Variants in SCHIP1 observed in about 807,000 individuals in gnomAD.
SCHIP1 encodes schwannomin-interacting protein 1.
A neutral mutation model predicts 29.7 loss-of-function variants in SCHIP1; 8 were observed. That is an observed-to-expected ratio of 0.27 (90% confidence interval 0.16 to 0.49). SCHIP1 has a LOEUF of 0.49. Among genes scored for constraint, SCHIP1 ranks in the 20% least tolerant of loss-of-function variants. The pLI is 0.99. For missense variants in SCHIP1, 193 were observed against 294.6 expected, an observed-to-expected ratio of 0.66 and a Z score of 2.52; for synonymous variants, 76 against 94.9, an observed-to-expected ratio of 0.80 and a Z score of 1.16.
the SCHIP1 span, among the ~76,000 whole-genome samples, chr3:159,713,264 GAA>G: frequency 6.8e-6 from 1 of 147,356 alleles, no homozygotes; most frequent in Non-Finnish European, 1.5e-5. Flanking sequence ...AAGAAAGAAA[GAA>G]AGAAAGAAAG....
At chr3:159,789,402 C>T in the SCHIP1 span, among the ~76,000 whole-genome samples, 3 of 152,184 alleles carry the variant, frequency 2.0e-5, no homozygotes, top group African/African-American at 7.2e-5. Flanking sequence ...ATCGAAAGCA[C>T]ACCTTCACAG....
the SCHIP1 span, chr3:159,765,361 C>T: frequency 2.0e-6 from 1 of 511,708 alleles, no homozygotes; most frequent in Admixed American, 4.1e-5. Flanking sequence ...GAAGGAGGAG[C>T]AGCCAGAGGG....
At chr3:159,577,697 A>G in the SCHIP1 span, among the ~76,000 whole-genome samples, 4 of 152,140 alleles carry the variant, frequency 2.6e-5, no homozygotes, top group South Asian at 8.3e-4. Context: ...GAATAGACTC[A>G]TTCACCATTT....
the SCHIP1 span, among the ~76,000 whole-genome samples, chr3:159,323,603 A>G: frequency 2.6e-5 from 4 of 152,246 alleles, no homozygotes; most frequent in African/African-American, 9.6e-5. Context: ...CTTTTACTCT[A>G]TTAAGCAATG....
chr3:159,276,350 A>G, the SCHIP1 span, among the ~76,000 whole-genome samples: 24 of 152,174 alleles, frequency 1.6e-4, no homozygotes, highest in Admixed American at 1.6e-3. Context: ...TTCAGTGAGC[A>G]GGATGCTGAT....
the SCHIP1 span, among the ~76,000 whole-genome samples, chr3:159,737,374 C>T: frequency 9.9e-5 from 15 of 152,256 alleles, no homozygotes; most frequent in South Asian, 1.0e-3. Context: ...CGACTGGGGC[C>T]GGAACACTTG....
chr3:159,803,639 C>T, the SCHIP1 span, among the ~76,000 whole-genome samples: 1 of 152,124 alleles, frequency 6.6e-6, no homozygotes, highest in Admixed American at 6.6e-5. Context: ...AACTCTCTAA[C>T]GTAGATACAG....
chr3:159,316,157 G>T, the SCHIP1 span, among the ~76,000 whole-genome samples: 1 of 151,796 alleles, frequency 6.6e-6, no homozygotes, highest in African/African-American at 2.4e-5. Context: ...TATTAGTCAG[G>T]GTTCTCTTAG....
the SCHIP1 span, among the ~76,000 whole-genome samples, chr3:159,798,683 A>G: frequency 1.3e-5 from 2 of 152,038 alleles, no homozygotes; most frequent in South Asian, 2.1e-4. Flanking sequence ...GCTTCAACCC[A>G]GGAGGCGGAG....
chr3:159,553,303 C>T, the SCHIP1 span, among the ~76,000 whole-genome samples: 2 of 150,356 alleles, frequency 1.3e-5, no homozygotes, highest in Admixed American at 1.3e-4. Context: ...AAAAACTGAC[C>T]CATTTGTTTT....
At chr3:159,670,104 T>C in the SCHIP1 span, among the ~76,000 whole-genome samples, 12 of 152,228 alleles carry the variant, frequency 7.9e-5, no homozygotes, top group African/African-American at 2.7e-4. Flanking sequence ...TAGGGAACAT[T>C]TGTATCCTGA....
the SCHIP1 span, among the ~76,000 whole-genome samples, chr3:159,332,789 A>G: frequency 2.6e-5 from 4 of 152,228 alleles, no homozygotes; most frequent in Admixed American, 1.3e-4. Context: ...GGGTGAAGCA[A>G]TTTGGAAATA....
the SCHIP1 span, among the ~76,000 whole-genome samples, chr3:159,470,915 T>C: frequency 6.6e-6 from 1 of 152,080 alleles, no homozygotes; most frequent in East Asian, 1.9e-4. Flanking sequence ...TATGATTCCA[T>C]TTATATGACA....
At chr3:159,556,086 C>A in the SCHIP1 span, among the ~76,000 whole-genome samples, 7 of 152,220 alleles carry the variant, frequency 4.6e-5, no homozygotes, top group Admixed American at 3.9e-4. Context: ...AAACAAACAA[C>A]CACATCAAAA....
intron 2 of SCHIP1, among the ~76,000 whole-genome samples, chr3:159,877,551 T>C (rs1011191336): frequency 6.6e-6 from 1 of 152,152 alleles, no homozygotes; most frequent in African/African-American, 2.4e-5. Context: ...TTTCTAAACA[T>C]GAACATAAAA....
At chr3:159,581,113 G>A in the SCHIP1 span, among the ~76,000 whole-genome samples, 1 of 152,052 alleles carries the variant, frequency 6.6e-6, no homozygotes, top group African/African-American at 2.4e-5. Flanking sequence ...AATAAAATTT[G>A]GGGAAGACGA....
chr3:159,727,653 G>T, the SCHIP1 span, among the ~76,000 whole-genome samples: 1 of 152,240 alleles, frequency 6.6e-6, no homozygotes, highest in Non-Finnish European at 1.5e-5. Context: ...TGGAGGAAGT[G>T]ATTAGGTTGG....
the SCHIP1 span, among the ~76,000 whole-genome samples, chr3:159,819,624 C>T: frequency 6.6e-6 from 1 of 152,202 alleles, no homozygotes; most frequent in Non-Finnish European, 1.5e-5. Context: ...AAACATTTCC[C>T]CTTCCCTAAA....
the SCHIP1 span, among the ~76,000 whole-genome samples, chr3:159,528,914 AT>A: frequency 6.6e-6 from 1 of 152,060 alleles, no homozygotes; most frequent in African/African-American, 2.4e-5. Flanking sequence ...CTGTTAAATA[AT>A]TTTTTTCTAT....
Sources: gnomAD v4.1 joint callset for allele counts (sites outside exome capture counted in the v4.1 genomes callset) on GRCh38, gnomAD v4.1.1 for gene constraint, MANE v1.5 for transcripts, NCBI Gene and HGNC (gene_info 2026-07-23, HGNC 2026-07-21) for gene names.